The following ZNF746 variants were observed in gnomAD, a reference collection of about 807,000 sequenced individuals.
ZNF746 encodes the protein zinc finger protein 746, also known as parkin-interacting substrate.
In ZNF746, 13 loss-of-function variants were observed where a neutral mutation model predicts 41.0. That is an observed-to-expected ratio of 0.32 (90% CI 0.21 to 0.50). The LOEUF is 0.50. Ranked by LOEUF, ZNF746 falls within the 20% of genes least tolerant of loss-of-function variation. ZNF746 has a pLI of 0.98. For missense variants in ZNF746, 811 were observed against 922.9 expected (o/e 0.88, Z 1.57); for synonymous variants, 424 against 396.2 (o/e 1.07, Z -0.83).
In ZNF746 at chr7:149,477,956, G is replaced by C; in HGVS notation, c.566-201C>G. ...CACATGGTATTGGGAATGCGGGTAG[G>C]GTAGGAAAGGCTGAGGCGGGGGAGG... On this transcript the variant is annotated intron_variant, in intron 4 of 6. Transcript: ENST00000458143. The C allele has an allele frequency of 6.5e-6, 3 of 463,936 alleles. No individual in the cohort carries two copies. The South Asian group carries it at 1.4e-4, about 22-fold the overall frequency. 28.7% of individuals were successfully genotyped at this position (463,936 alleles called of 1,614,324 possible).
intron 6 of ZNF746, 28 bp downstream of exon 6, chr7:149,476,894 C>G: frequency 6.2e-7 from 1 of 1,613,602 alleles, no homozygotes; most frequent in Non-Finnish European, 8.5e-7. Context: ...AAGCATGGCC[C>G]TTCCCTTCCT....
intron 4 of ZNF746, chr7:149,488,685 A>C (rs1264040395): frequency 6.6e-5 from 10 of 152,216 alleles, no homozygotes; most frequent in African/African-American, 2.4e-4. Context: ...GCAAAAATGT[A>C]ATTATGGAAA....
chr7:149,475,564 C>T, intron 6 of ZNF746, 81 bp from the exon 7 acceptor site: 13 of 1,528,906 alleles, frequency 8.5e-6, no homozygotes, highest in Non-Finnish European at 1.1e-5. Flanking sequence ...ACCTGCTCAG[C>T]AGCTGCCTGG....
chr7:149,492,695 T>A (rs1394166674), intron 4 of ZNF746, among the ~76,000 whole-genome samples, 164 bp downstream of exon 4: 1 of 152,224 alleles, frequency 6.6e-6, no homozygotes, highest in East Asian at 1.9e-4. Flanking sequence ...ATTAGCTGAC[T>A]AAGTTAGAGA....
rs772502806 is a variant in ZNF746, at chr7:149,474,708, G to T, written c.1659C>A (p.Pro553=). 2.5e-6 allele frequency: 4 copies of T among 1,612,438 alleles called. No individual in the cohort carries two copies. Among genetic ancestry groups the T allele is most frequent in the Non-Finnish European group, 3.4e-6 (4 of 1,179,710 alleles). ...RHRMLHTGER[P]FPCTECEKRF... ...GCTTCTCACACTCGGTGCAGGGGAA[G>T]GGCCGCTCGCCGGTGTGCAGCATGC... The change falls in exon 7 of 7, where the codon CCC becomes CCA. Residue 553 remains proline, a synonymous_variant. Transcript: ENST00000458143. This position sits in a 1 kb window ranked among gnomAD's most constrained non-coding sequence, Gnocchi z 6.3.
In ZNF746 at chr7:149,474,416, C is replaced by T. The variant is rs777146740; in HGVS notation, c.1951G>A (p.Val651Ile). Residue 651 changes from valine (V) to isoleucine (I), a missense_variant, in exon 7 of 7, where the codon GTC (valine) becomes ATC (isoleucine). By Grantham distance (29) the Val-to-Ile change is conservative (BLOSUM62 3). Coordinates refer to ENST00000458143, the MANE Select transcript of ZNF746 (RefSeq NM_001394198.1). The surrounding 1 kb of genome is among the most constrained non-coding windows in gnomAD (Gnocchi z 6.3). Reference sequence around the variant, plus strand: ...TCCCCGCCATCGGTGGGTCCCAGGACGCTGAGGCCACAAGTCCAGTCGGTC... The same window carrying T: ...TCCCCGCCATCGGTGGGTCCCAGGATGCTGAGGCCACAAGTCCAGTCGGTC... ...LVTDWTCGLS[V>I]LGPTDGGDM 6.8e-6 allele frequency: 11 copies of T among 1,610,146 alleles called. No individual in the cohort carries two copies. The East Asian group carries it at 2.2e-4, about 33-fold the overall frequency.
At chr7:149,491,700 G>A in intron 4 of ZNF746, 1 of 582,760 alleles carries the variant, frequency 1.7e-6, no homozygotes, top group East Asian at 2.8e-5. Flanking sequence ...CACACAAGTG[G>A]CGCACAGGAG....
rs780976056 is a variant in ZNF746, at chr7:149,494,255, C to G, written c.273G>C (p.Arg91Ser). ...GGGGCAGCCGCAGGATCCAGAAGTT[C>G]CTGTTGCGCAGCAGGTTCTCCACGT... ...LENVENLLRN[R>S]NFWILRLPPG... The change falls in exon 2 of 7, where the codon AGG (arginine) becomes AGC (serine). Residue 91 changes from arginine (R) to serine (S), a missense_variant. Around this residue, in one of 4 missense-constraint regions of ZNF746, gnomAD observed 147 missense variants for 233.4 expected, o/e 0.63. Coordinates refer to ENST00000458143, the MANE Select transcript of ZNF746 (RefSeq NM_001394198.1). The surrounding 1 kb of genome is among the most constrained non-coding windows in gnomAD (Gnocchi z 5.6). 2 of 1,614,036 alleles carry G rather than the reference C, an allele frequency of 1.2e-6. No homozygotes were observed. Among genetic ancestry groups the G allele is most frequent in the East Asian group, 2.2e-5 (1 of 44,876 alleles).
intron 4 of ZNF746, among the ~76,000 whole-genome samples, chr7:149,484,631 AT>A (rs1352825382): frequency 6.6e-6 from 1 of 152,172 alleles, no homozygotes; most frequent in Non-Finnish European, 1.5e-5. Flanking sequence ...GACACCTGTT[AT>A]CATCATTTCT....
intron 4 of ZNF746, among the ~76,000 whole-genome samples, chr7:149,484,760 G>A (rs1800574157): frequency 1.3e-5 from 2 of 152,160 alleles, no homozygotes; most frequent in South Asian, 4.2e-4. Flanking sequence ...CAGAAAAACT[G>A]AGAATGATTA....
chr7:149,486,950 C>T (rs1378735520), intron 4 of ZNF746, among the ~76,000 whole-genome samples: 11 of 152,156 alleles, frequency 7.2e-5, no homozygotes, highest in South Asian at 4.1e-4. Flanking sequence ...CCCCATGCCC[C>T]GGGGAACCTG....
chr7:149,493,105 A>G (rs1216362182), intron 3 of ZNF746, 133 bp from the exon 4 acceptor site: 4 of 651,318 alleles, frequency 6.1e-6, no homozygotes, highest in East Asian at 5.7e-5. Flanking sequence ...ACCACAGGCA[A>G]TTTTGCTCCC....
chr7:149,479,934 A>T (rs1013196750), intron 4 of ZNF746, among the ~76,000 whole-genome samples: 7 of 152,298 alleles, frequency 4.6e-5, no homozygotes, highest in South Asian at 2.1e-4. Flanking sequence ...CCTAGGCAAC[A>T]TAGAAGACCC....
chr7:149,480,635 T>C (rs1416607606), intron 4 of ZNF746, among the ~76,000 whole-genome samples: 7 of 152,144 alleles, frequency 4.6e-5, no homozygotes, highest in Admixed American at 3.9e-4. Flanking sequence ...GGAGTTTCAC[T>C]GTGTTGCCCA....
At position 149,494,174 on chromosome 7, in the gene ZNF746, C is replaced by A. The variant is rs757818161; in HGVS notation, c.324+30G>T. 36 of 1,613,548 alleles carry A rather than the reference C, an allele frequency of 2.2e-5. No homozygotes were observed. Among genetic ancestry groups the A allele is most frequent in the Non-Finnish European group, 3.0e-5 (35 of 1,179,612 alleles). ...ACGCTCACGGGTTTGGCCGCTTGGG[C>A]TCCCACACCCCAAGGCGTCCCAGGG... is the stretch of plus-strand genomic sequence containing the variant. On this transcript the variant is annotated intron_variant, in intron 2 of 6. Transcript: ENST00000458143. The surrounding 1 kb of genome is among the most constrained non-coding windows in gnomAD (Gnocchi z 5.6).
chr7:149,483,657 G>A (rs986821836), intron 4 of ZNF746, among the ~76,000 whole-genome samples: 15 of 151,294 alleles, frequency 9.9e-5, no homozygotes, highest in South Asian at 2.1e-4. Flanking sequence ...TGGGTTAAGC[G>A]TCAATGCAAG....
chr7:149,491,062 A>AGGAGGTGAGGAGAAGG (rs1800789307), intron 4 of ZNF746: 2 of 152,604 alleles, frequency 1.3e-5, no homozygotes, highest in South Asian at 2.1e-4. Flanking sequence ...AGGGATGTGC[A>AGGAGGTGAGGAGAAGG]GGAGGTGAGG....
rs1801053246 is a variant in ZNF746, at chr7:149,497,574, C to T, written c.-38G>A. ...TCCCGCCCGGCCCGGAGGAAGTCGT[C>T]GTCGCCGCCGCCGCGCGCGGCACCA... On this transcript the variant is annotated 5_prime_UTR_variant, in exon 1 of 7. Transcript: ENST00000458143. The surrounding 1 kb of genome is among the most constrained non-coding windows in gnomAD (Gnocchi z 4.2). 9.5e-7 allele frequency: 1 copy of T among 1,047,918 alleles called. No homozygotes were observed. The highest frequency in any genetic ancestry group is 1.1e-6 in the Non-Finnish European group (1 of 874,004). 64.9% of individuals were successfully genotyped at this position (1,047,918 alleles called of 1,614,324 possible). A position where few individuals can be genotyped will look rare whatever the true frequency, so the allele number is the denominator to read the frequency against.
intron 3 of ZNF746, among the ~76,000 whole-genome samples, chr7:149,493,710 G>A (rs759283274): frequency 1.3e-5 from 2 of 152,138 alleles, no homozygotes; most frequent in Admixed American, 6.5e-5. Flanking sequence ...GGCCTTCCCC[G>A]CTCCAAGTCA....
Sources: gnomAD v4.1 joint callset for allele counts (sites outside exome capture counted in the v4.1 genomes callset) on GRCh38, gnomAD v4.1.1 for gene constraint, gnomAD v4.1.1 regional missense constraint, Gnocchi (gnomAD v3.1) non-coding constraint, MANE v1.5 for transcripts, NCBI Gene and HGNC (gene_info 2026-07-23, HGNC 2026-07-21) for gene names.